Variants in GALNTL6 observed in about 807,000 individuals in gnomAD.
GALNTL6 encodes the protein polypeptide N-acetylgalactosaminyltransferase-like 6.
GALNTL6 carries 46 observed loss-of-function variants against 73.7 expected under a neutral mutation model. That is an observed-to-expected ratio of 0.62 (90% CI 0.49 to 0.80). The LOEUF (loss-of-function observed/expected upper bound fraction) is 0.80, where lower values mean the gene tolerates loss of function less well. Ranked by LOEUF, GALNTL6 falls within the 30% of genes least tolerant of loss-of-function variation. The pLI is 0.00. For synonymous variants in GALNTL6, 259 were observed against 263.7 expected, an observed-to-expected ratio of 0.98 and a Z score of 0.17; for missense variants, 604 against 755.0, an observed-to-expected ratio of 0.80 and a Z score of 2.34.
At chr4:172,025,783 C>T (rs1384884808) in intron 2 of GALNTL6, among the ~76,000 whole-genome samples, 3 of 151,264 alleles carry the variant, frequency 2.0e-5, no homozygotes, top group African/African-American at 7.3e-5. Context: ...AATAAGCAGG[C>T]CTTTGGTGTG....
intron 3 of GALNTL6, among the ~76,000 whole-genome samples, chr4:172,269,736 CT>C (rs1738572300): frequency 6.6e-6 from 1 of 151,968 alleles, no homozygotes; most frequent in Non-Finnish European, 1.5e-5. Flanking sequence ...CTCTCTCTCT[CT>C]CTCTTTAATT....
intron 5 of GALNTL6, among the ~76,000 whole-genome samples, chr4:172,513,276 C>T (rs1481695555): frequency 1.3e-5 from 2 of 152,036 alleles, no homozygotes; most frequent in African/African-American, 4.8e-5. Flanking sequence ...TTGCATTTCT[C>T]TAAGTATGTC....
At chr4:172,347,495 G>A (rs1052710626) in intron 4 of GALNTL6, among the ~76,000 whole-genome samples, 3 of 152,160 alleles carry the variant, frequency 2.0e-5, no homozygotes, top group Non-Finnish European at 4.4e-5. Flanking sequence ...AGCACAATTA[G>A]TTGGGCTCTT....
At chr4:172,418,821 C>T (rs1009079703) in intron 5 of GALNTL6, among the ~76,000 whole-genome samples, 2 of 152,050 alleles carry the variant, frequency 1.3e-5, no homozygotes, top group Non-Finnish European at 2.9e-5. Flanking sequence ...CAGTGATTTC[C>T]GATTCTCAAC....
intron 2 of GALNTL6, among the ~76,000 whole-genome samples, chr4:172,049,233 T>C: frequency 6.6e-6 from 1 of 151,916 alleles, no homozygotes; most frequent in South Asian, 2.1e-4. Flanking sequence ...GAAATAAAAA[T>C]TTTTTTTTAT....
intron 2 of GALNTL6, among the ~76,000 whole-genome samples, chr4:171,897,064 C>T (rs1195356277): frequency 6.6e-6 from 1 of 151,608 alleles, no homozygotes; most frequent in Non-Finnish European, 1.5e-5. Flanking sequence ...AATGTACAGA[C>T]CTCATTTTTA....
At chr4:172,046,044 G>C (rs1447807052) in intron 2 of GALNTL6, among the ~76,000 whole-genome samples, 1 of 151,904 alleles carries the variant, frequency 6.6e-6, no homozygotes, top group Admixed American at 6.6e-5. Flanking sequence ...TTTTAAGGCA[G>C]AATACTATTT....
chr4:171,908,036 A>C (rs1476653952), intron 2 of GALNTL6, among the ~76,000 whole-genome samples: 15 of 152,084 alleles, frequency 9.9e-5, no homozygotes, highest in Non-Finnish European at 2.2e-4. Context: ...TAAAACCATA[A>C]AAACCCTAGA....
At chr4:171,877,495 T>C (rs1192498342) in intron 2 of GALNTL6, among the ~76,000 whole-genome samples, 1 of 152,200 alleles carries the variant, frequency 6.6e-6, no homozygotes, top group Non-Finnish European at 1.5e-5. Context: ...TGCCCAACTG[T>C]GGCAGGCAGT....
At chr4:172,860,043 A>C (rs970984970) in intron 7 of GALNTL6, among the ~76,000 whole-genome samples, 6 of 152,212 alleles carry the variant, frequency 3.9e-5, no homozygotes, top group Non-Finnish European at 7.4e-5. Flanking sequence ...AATGCACTCA[A>C]ATCATCCCCA....
At chr4:172,862,391 A>C (rs1315069460) in intron 7 of GALNTL6, among the ~76,000 whole-genome samples, 2 of 152,228 alleles carry the variant, frequency 1.3e-5, no homozygotes. Flanking sequence ...AGTGTTCAAA[A>C]GGAAGCAGAG....
At chr4:172,496,317 G>C (rs1032045495) in intron 5 of GALNTL6, among the ~76,000 whole-genome samples, 2 of 152,176 alleles carry the variant, frequency 1.3e-5, no homozygotes, top group Non-Finnish European at 2.9e-5. Flanking sequence ...ATGAATTTAT[G>C]AGAATTGGCT....
chr4:172,694,096 G>A (rs180684811), intron 5 of GALNTL6, among the ~76,000 whole-genome samples: 8 of 151,736 alleles, frequency 5.3e-5, no homozygotes, highest in African/African-American at 1.7e-4. Context: ...AGTCAGAGAA[G>A]GTGTATCAGT....
At chr4:172,086,931 G>A (rs1375215205) in intron 2 of GALNTL6, among the ~76,000 whole-genome samples, 1 of 152,068 alleles carries the variant, frequency 6.6e-6, no homozygotes, top group African/African-American at 2.4e-5. Flanking sequence ...TTCTTCATAT[G>A]GAATATACCA....
intron 9 of GALNTL6, among the ~76,000 whole-genome samples, chr4:172,943,177 G>T (rs2126314801): frequency 6.6e-6 from 1 of 151,212 alleles, no homozygotes; most frequent in East Asian, 1.9e-4. Context: ...GACTTGCTTT[G>T]GGAGAAGCCA....
chr4:171,814,729 C>G lies in GALNTL6; in HGVS notation c.138+11C>G. The G allele has an allele frequency of 6.2e-7, 1 of 1,613,266 alleles. No individual in the cohort carries two copies. Among genetic ancestry groups the G allele is most frequent in the Non-Finnish European group, 8.5e-7 (1 of 1,179,896 alleles). ...CCCGGGGAGCAGCAGGTAAGTGCCA[C>G]CCAGAGAAAGATCACACAAGGATTG... On this transcript the variant is annotated intron_variant, in intron 2 of 12. Transcript: ENST00000506823.
Position 172,345,596 on chromosome 4 carries a change from G to T in GALNTL6, c.387-2927G>T, listed in dbSNP as rs75346317. ...GTGTTGCCTATTTGACCAGCACATTGATCAAAGTGAATCTTGACCAGGGTA... is the reference window on the plus strand; with the variant it reads ...GTGTTGCCTATTTGACCAGCACATTTATCAAAGTGAATCTTGACCAGGGTA... On this transcript the variant is annotated intron_variant, in intron 4 of 12. Coordinates refer to ENST00000506823, the MANE Select transcript of GALNTL6 (RefSeq NM_001034845.3). Among the ~76,000 whole-genome samples the T allele has an allele frequency of 5.8e-3, 878 of 152,252 alleles. 6 individuals carry two copies. Among genetic ancestry groups the T allele is most frequent in the African/African-American group, 0.019 (788 of 41,560 alleles).
intron 5 of GALNTL6, among the ~76,000 whole-genome samples, chr4:172,564,317 T>C (rs1002617490): frequency 5.3e-5 from 8 of 152,322 alleles, no homozygotes; most frequent in Admixed American, 3.9e-4. Flanking sequence ...GAGATATAAA[T>C]AGCTTATAAA....
chr4:172,316,306 G>C (rs572104214), intron 4 of GALNTL6, among the ~76,000 whole-genome samples: 13 of 152,278 alleles, frequency 8.5e-5, no homozygotes, highest in Non-Finnish European at 1.5e-4. Flanking sequence ...AAAAGTATAT[G>C]TGTTTATACA....
Sources: allele counts gnomAD v4.1 joint callset (sites outside exome capture counted in the v4.1 genomes callset), GRCh38; gene constraint gnomAD v4.1.1; transcripts MANE v1.5; gene names NCBI Gene and HGNC (gene_info 2026-07-23, HGNC 2026-07-21).